SLC2A12: variants seen among roughly 807,000 people sequenced by gnomAD.
SLC2A12 encodes solute carrier family 2, facilitated glucose transporter member 12.
In SLC2A12, 23 loss-of-function variants were observed where a neutral mutation model predicts 41.8. That is an observed-to-expected ratio of 0.55 (90% CI 0.40 to 0.78). The LOEUF is 0.78. Among genes scored for constraint, SLC2A12 ranks in the 30% least tolerant of loss-of-function variants. The pLI is 0.00. For missense variants in SLC2A12, 654 were observed against 745.6 expected (o/e 0.88, Z 1.43); for synonymous variants, 295 against 285.9 (o/e 1.03, Z -0.32).
intron 2 of SLC2A12, among the ~76,000 whole-genome samples, chr6:134,020,511 T>C (rs935080847): frequency 2.6e-5 from 4 of 152,116 alleles, no homozygotes; most frequent in African/African-American, 7.2e-5. Flanking sequence ...TAGAATACAA[T>C]TGGGGATTGA....
chr6:134,051,261 G>A (rs1452757754), intron 1 of SLC2A12, among the ~76,000 whole-genome samples: 1 of 152,086 alleles, frequency 6.6e-6, no homozygotes, highest in African/African-American at 2.4e-5. Flanking sequence ...CAAGAGAAGA[G>A]ATCAGGACAT....
At chr6:134,005,730 A>G (rs1776805449) in intron 3 of SLC2A12, among the ~76,000 whole-genome samples, 1 of 144,224 alleles carries the variant, frequency 6.9e-6, no homozygotes, top group South Asian at 2.3e-4. Flanking sequence ...CTTAAATTTG[A>G]TGAGATCCCT....
chr6:134,017,580 C>T (rs1776978198), intron 2 of SLC2A12, among the ~76,000 whole-genome samples: 1 of 152,088 alleles, frequency 6.6e-6, no homozygotes, highest in East Asian at 1.9e-4. Flanking sequence ...AGGCCGGGCA[C>T]GGTGACTCAC....
rs1776571871 is a variant in SLC2A12 at position 133,988,597 on chromosome 6, A to G, written c.*2558T>C. 1 of 152,120 alleles carries G rather than the reference A, an allele frequency of 6.6e-6. No individual in the cohort carries two copies. Among genetic ancestry groups the G allele is most frequent in the Non-Finnish European group, 1.5e-5 (1 of 68,020 alleles). The allele number at this position is 152,120 out of a possible 1,614,324, so 9.4% of individuals were successfully genotyped here. On this transcript the variant is annotated 3_prime_UTR_variant, in exon 5 of 5. Coordinates refer to ENST00000275230, the MANE Select transcript of SLC2A12 (RefSeq NM_145176.3). ...GGCACTGCACTGAACAACACATATT[A>G]TTTTTATCTTTTTTCTTCTCAATGC...
At chr6:133,992,899 C>T (rs117511179) in intron 4 of SLC2A12, among the ~76,000 whole-genome samples, 15 of 152,218 alleles carry the variant, frequency 9.9e-5, no homozygotes, top group Non-Finnish European at 1.9e-4. Context: ...TTTCTGTTCC[C>T]CTTCACAGCA....
intron 1 of SLC2A12, among the ~76,000 whole-genome samples, chr6:134,034,904 G>A (rs541186017): frequency 6.6e-6 from 1 of 152,164 alleles, no homozygotes; most frequent in Non-Finnish European, 1.5e-5. Context: ...CTTCACAGGG[G>A]CCCTTCCTTT....
chr6:133,991,658 C>T (rs543570262), intron 4 of SLC2A12, among the ~76,000 whole-genome samples: 1 of 152,278 alleles, frequency 6.6e-6, no homozygotes, highest in South Asian at 2.1e-4. Context: ...ATTTATATCT[C>T]TTCTATCTTC....
intron 2 of SLC2A12, among the ~76,000 whole-genome samples, chr6:134,025,706 T>A (rs576940796): frequency 1.6e-4 from 24 of 152,178 alleles, no homozygotes; most frequent in African/African-American, 5.8e-4. Flanking sequence ...CCACAATGCC[T>A]AGCTGTTTTT....
At chr6:134,007,062 C>T in intron 2 of SLC2A12, 128 bp from the exon 3 acceptor site, 1 of 1,317,832 alleles carries the variant, frequency 7.6e-7, no homozygotes, top group Non-Finnish European at 1.0e-6. Context: ...GCACCATTTC[C>T]TACCTCAGCA....
chr6:134,013,796 G>T (rs1381988748), intron 2 of SLC2A12, among the ~76,000 whole-genome samples: 3 of 152,090 alleles, frequency 2.0e-5, no homozygotes, highest in Admixed American at 6.5e-5. Context: ...GATTATCTAG[G>T]CTTTAGACTC....
At chr6:134,024,260 A>G (rs1290031644) in intron 2 of SLC2A12, among the ~76,000 whole-genome samples, 2 of 152,170 alleles carry the variant, frequency 1.3e-5, no homozygotes, top group East Asian at 1.9e-4. Context: ...CAGTTTGTCT[A>G]CCGGATTCAG....
chr6:134,016,750 C>T (rs1008543628), intron 2 of SLC2A12, among the ~76,000 whole-genome samples: 19 of 152,256 alleles, frequency 1.2e-4, no homozygotes, highest in Middle Eastern at 6.8e-3. Context: ...AGTTTGATTA[C>T]TTGTGGCTAT....
intron 1 of SLC2A12, among the ~76,000 whole-genome samples, chr6:134,031,433 A>T (rs1172078943): frequency 6.6e-6 from 1 of 151,712 alleles, no homozygotes; most frequent in Non-Finnish European, 1.5e-5. Context: ...AAACAAAAAA[A>T]ACATTACACT....
intron 1 of SLC2A12, among the ~76,000 whole-genome samples, chr6:134,035,168 A>C (rs943175940): frequency 2.2e-5 from 3 of 135,966 alleles, no homozygotes; most frequent in African/African-American, 5.4e-5. Context: ...AAAAAAAAAA[A>C]AAAAAACTGT....
chr6:134,017,752 G>A (rs1051773571), intron 2 of SLC2A12, among the ~76,000 whole-genome samples: 8 of 151,952 alleles, frequency 5.3e-5, no homozygotes, highest in African/African-American at 1.9e-4. Flanking sequence ...TACTCGGGAC[G>A]CTGAGGCAGG....
intron 1 of SLC2A12, among the ~76,000 whole-genome samples, chr6:134,050,787 T>C (rs1003476700): frequency 6.6e-6 from 1 of 152,162 alleles, no homozygotes; most frequent in African/African-American, 2.4e-5. Flanking sequence ...ACTCTTTCCC[T>C]TTATCTCCAA....
intron 1 of SLC2A12, among the ~76,000 whole-genome samples, chr6:134,043,161 G>A (rs907960965): frequency 6.6e-6 from 1 of 152,154 alleles, no homozygotes; most frequent in African/African-American, 2.4e-5. Flanking sequence ...TCAAGAATAT[G>A]AAGGAAAGGG....
chr6:134,018,912 C>G (rs1354220661), intron 2 of SLC2A12, among the ~76,000 whole-genome samples: 1 of 152,192 alleles, frequency 6.6e-6, no homozygotes, highest in Non-Finnish European at 1.5e-5. Flanking sequence ...CTATCTTCTC[C>G]TCTTCCTCAC....
intron 1 of SLC2A12, among the ~76,000 whole-genome samples, chr6:134,050,411 T>A (rs564248955): frequency 0.012 from 1,857 of 152,380 alleles, 16 homozygotes; most frequent in Middle Eastern, 0.061. Flanking sequence ...ATTTGAAAGA[T>A]AATTTATGGT....
Sources: allele counts gnomAD v4.1 joint callset (sites outside exome capture counted in the v4.1 genomes callset), GRCh38; gene constraint gnomAD v4.1.1; transcripts MANE v1.5; gene names NCBI Gene and HGNC (gene_info 2026-07-23, HGNC 2026-07-21).